The following SLC22A3 variants were observed in gnomAD, a reference collection of about 807,000 sequenced individuals.
The protein encoded by SLC22A3 is EMT organic cation transporter 3.
SLC22A3 carries 51 observed loss-of-function variants against 59.1 expected under a neutral mutation model. That is an observed-to-expected ratio of 0.86 (90% CI 0.69 to 1.09). SLC22A3 has a LOEUF of 1.09. Ranked by LOEUF, SLC22A3 falls within the 50% of genes least tolerant of loss-of-function variation. The pLI is 0.00. For missense variants in SLC22A3, 711 were observed against 726.3 expected (o/e 0.98, Z 0.24); for synonymous variants, 325 against 292.0 (o/e 1.11, Z -1.15).
intron 9 of SLC22A3, among the ~76,000 whole-genome samples, chr6:160,446,493 C>T (rs1177121543): frequency 1.3e-5 from 2 of 152,146 alleles, no homozygotes; most frequent in Non-Finnish European, 2.9e-5. Context: ...TACATGGTGG[C>T]AGGTAAGAGA....
chr6:160,451,022 A>G lies in SLC22A3; in HGVS notation c.1637A>G (p.Asn546Ser). 1.9e-6 allele frequency: 3 copies of G among 1,596,168 alleles called. No individual in the cohort carries two copies. The highest frequency in any genetic ancestry group is 2.3e-5 in the East Asian group (1 of 44,190). Residue 546 changes from asparagine to serine, a missense_variant, in exon 11 of 11, where the codon AAT becomes AGT. Physicochemically the swap from Asn to Ser is conservative, Grantham distance 46. Coordinates refer to ENST00000275300, the MANE Select transcript of SLC22A3 (RefSeq NM_021977.4). The stretch of plus-strand genomic sequence containing the variant: ...CCACATTCCTGTAAATGTGGCAGGA[A>G]TAAGAAAACCCCAGTTTCCCGCTCT... ...GSPHSCKCGR[N>S]KKTPVSRSHL
chr6:160,410,670 A>G, intron 4 of SLC22A3, 59 bp from the exon 5 acceptor site: 2 of 1,059,050 alleles, frequency 1.9e-6, no homozygotes, highest in Non-Finnish European at 3.0e-6. Context: ...ACTCAAGGCA[A>G]TAGATTTTAG....
intron 5 of SLC22A3, 122 bp downstream of exon 5, chr6:160,410,968 ATG>A (rs1787225565): frequency 2.1e-5 from 11 of 517,270 alleles, no homozygotes; most frequent in East Asian, 7.9e-5. Context: ...ATATATATAT[ATG>A]TATGTATGTA....
At chr6:160,396,751 A>AT (rs1020592686) in intron 1 of SLC22A3, among the ~76,000 whole-genome samples, 52 of 152,166 alleles carry the variant, frequency 3.4e-4, no homozygotes, top group East Asian at 1.4e-3. Flanking sequence ...ATTACATCTT[A>AT]TTTTTTTATC....
At position 160,442,814 on chromosome 6, in the gene SLC22A3, A is replaced by G. The variant is rs756038430; in HGVS notation, c.1342A>G (p.Met448Val). Reference protein sequence around the residue: ...VATLGRLGITMAFEIVYLVNS... With the variant: ...VATLGRLGITVAFEIVYLVNS... Reference sequence around the variant, plus strand: ...TACATTGGGAAGACTAGGGATAACCATGGCCTTTGAAATTGTTTATTTGGT... The same window carrying G: ...TACATTGGGAAGACTAGGGATAACCGTGGCCTTTGAAATTGTTTATTTGGT... The change falls in exon 8 of 11, where the codon ATG (methionine) becomes GTG (valine). Residue 448 changes from methionine (M) to valine (V), a missense_variant. Met to Val is a conservative substitution (Grantham distance 21). Coordinates refer to ENST00000275300, the MANE Select transcript of SLC22A3 (RefSeq NM_021977.4). The G allele has an allele frequency of 1.2e-6, 2 of 1,614,120 alleles. No homozygotes were observed. Among genetic ancestry groups the G allele is most frequent in the South Asian group, 2.2e-5 (2 of 91,092 alleles).
Position 160,365,302 on chromosome 6 carries a change from G to C in SLC22A3, c.429+16454G>C, listed in dbSNP as rs185220747. ...GGGAGCAGTTTTGTGACTCACCCAA[G>C]TTAAGATGTCATGAAAAATTGTTTC... On this transcript the variant is annotated intron_variant, in intron 1 of 10. Coordinates refer to ENST00000275300, the MANE Select transcript of SLC22A3 (RefSeq NM_021977.4). 3.7e-3 allele frequency among the ~76,000 whole-genome samples: 557 copies of C among 152,280 alleles called. 5 individuals carry two copies. The highest frequency in any genetic ancestry group is 0.012 in the Admixed American group (185 of 15,304).
chr6:160,420,687 T>G (rs1787693289), intron 5 of SLC22A3, among the ~76,000 whole-genome samples: 1 of 152,170 alleles, frequency 6.6e-6, no homozygotes, highest in African/African-American at 2.4e-5. Flanking sequence ...AAAAAATGTC[T>G]CAGGCAAACT....
chr6:160,385,353 C>G (rs911223375), intron 1 of SLC22A3, among the ~76,000 whole-genome samples: 1 of 152,202 alleles, frequency 6.6e-6, no homozygotes, highest in Non-Finnish European at 1.5e-5. Flanking sequence ...GACACAGTGC[C>G]TTGTTCAATT....
chr6:160,405,899 T>C (rs535045335), intron 2 of SLC22A3, among the ~76,000 whole-genome samples: 3 of 152,056 alleles, frequency 2.0e-5, no homozygotes, highest in African/African-American at 7.2e-5. Context: ...AAAAAAAGGA[T>C]CAGTGGTTGC....
At chr6:160,405,118 G>C (rs1430274548) in intron 2 of SLC22A3, among the ~76,000 whole-genome samples, 1 of 151,990 alleles carries the variant, frequency 6.6e-6, no homozygotes, top group East Asian at 1.9e-4. Context: ...GAAATGACAA[G>C]ACACAGACTG....
intron 10 of SLC22A3, 30 bp downstream of exon 10, chr6:160,447,848 T>C: frequency 6.6e-7 from 1 of 1,504,036 alleles, no homozygotes; most frequent in Non-Finnish European, 9.3e-7. Flanking sequence ...GCACCCTAAA[T>C]AAAAGCAATA....
intron 5 of SLC22A3, among the ~76,000 whole-genome samples, chr6:160,413,959 C>A (rs1787363483): frequency 6.6e-6 from 1 of 152,102 alleles, no homozygotes; most frequent in Non-Finnish European, 1.5e-5. Context: ...TTCATTCCAA[C>A]TTTGGGAATA....
chr6:160,385,408 A>G (rs1006750625), intron 1 of SLC22A3, among the ~76,000 whole-genome samples: 2 of 152,186 alleles, frequency 1.3e-5, no homozygotes, highest in Non-Finnish European at 2.9e-5. Flanking sequence ...GGTGGGGCTC[A>G]GGGGGAGATA....
chr6:160,436,317 CA>C (rs776370825), intron 5 of SLC22A3, among the ~76,000 whole-genome samples: 2 of 152,106 alleles, frequency 1.3e-5, no homozygotes, highest in Non-Finnish European at 1.5e-5. Flanking sequence ...TTTTCTGGAT[CA>C]AAAAGATGTT....
At chr6:160,390,354 G>A (rs970129214) in intron 1 of SLC22A3, among the ~76,000 whole-genome samples, 1 of 152,170 alleles carries the variant, frequency 6.6e-6, no homozygotes, top group African/African-American at 2.4e-5. Context: ...CACAGCCAAG[G>A]CACTGGCCTC....
At chr6:160,367,940 C>T (rs1006791815) in intron 1 of SLC22A3, among the ~76,000 whole-genome samples, 1 of 152,162 alleles carries the variant, frequency 6.6e-6, no homozygotes, top group Non-Finnish European at 1.5e-5. Flanking sequence ...AGTTCTTCAG[C>T]CCATATCTTC....
At chr6:160,430,080 T>C (rs1261623121) in intron 5 of SLC22A3, among the ~76,000 whole-genome samples, 2 of 152,086 alleles carry the variant, frequency 1.3e-5, no homozygotes, top group Non-Finnish European at 2.9e-5. Context: ...GGTGCATATA[T>C]GTATATATAT....
chr6:160,386,575 G>A (rs1011272576), intron 1 of SLC22A3, among the ~76,000 whole-genome samples: 2 of 152,200 alleles, frequency 1.3e-5, no homozygotes, highest in African/African-American at 2.4e-5. Context: ...AGGCCCAGGC[G>A]GGCAGAGTGA....
intron 2 of SLC22A3, among the ~76,000 whole-genome samples, chr6:160,399,837 A>T (rs1457363334): frequency 6.6e-6 from 1 of 152,142 alleles, no homozygotes; most frequent in Non-Finnish European, 1.5e-5. Flanking sequence ...TTCTTCTCAG[A>T]TCCATAAGAG....
Sources: gnomAD v4.1 joint callset for allele counts (sites outside exome capture counted in the v4.1 genomes callset) on GRCh38, gnomAD v4.1.1 for gene constraint, MANE v1.5 for transcripts, NCBI Gene and HGNC (gene_info 2026-07-23, HGNC 2026-07-21) for gene names.